Variants in MAN1A1 observed in about 807,000 individuals in gnomAD.
The protein encoded by MAN1A1 is mannosidase alpha class 1A member 1.
MAN1A1 carries 29 observed loss-of-function variants against 70.8 expected under a neutral mutation model. The ratio of observed to expected loss-of-function variants is 0.41; its 90% confidence interval spans 0.31 to 0.56. The LOEUF is 0.56. MAN1A1 is among the 20% of genes least tolerant of loss of function. The pLI, the probability that MAN1A1 is intolerant of heterozygous loss-of-function variation, is 0.29. For synonymous variants in MAN1A1, 349 were observed against 330.1 expected, an observed-to-expected ratio of 1.06 and a Z score of -0.62; for missense variants, 747 against 841.3, an observed-to-expected ratio of 0.89 and a Z score of 1.39.
intron 2 of MAN1A1, among the ~76,000 whole-genome samples, chr6:119,318,827 T>C (rs1184086815): frequency 6.6e-6 from 1 of 152,226 alleles, no homozygotes; most frequent in African/African-American, 2.4e-5. Context: ...TCACCTCTAC[T>C]TGGGCATCCT....
intron 2 of MAN1A1, among the ~76,000 whole-genome samples, chr6:119,335,894 C>T (rs1308115018): frequency 1.3e-5 from 2 of 152,170 alleles, no homozygotes; most frequent in Admixed American, 6.5e-5. Flanking sequence ...CAGAAGACTA[C>T]GGATGCCAAG....
At chr6:119,230,042 C>A (rs551124236) in intron 6 of MAN1A1, among the ~76,000 whole-genome samples, 137 of 152,260 alleles carry the variant, frequency 9.0e-4, no homozygotes, top group Non-Finnish European at 1.7e-3. Context: ...GATCTGATGA[C>A]AGATGATCTC....
At chr6:119,216,387 C>A (rs1041972907) in intron 6 of MAN1A1, among the ~76,000 whole-genome samples, 1 of 151,990 alleles carries the variant, frequency 6.6e-6, no homozygotes, top group Non-Finnish European at 1.5e-5. Context: ...GGAACTGGAG[C>A]GATGTTCGGG....
In MAN1A1 at chr6:119,334,745, G is replaced by A. The variant is rs146267744; in HGVS notation, c.603+13718C>T. 5.9e-3 allele frequency among the ~76,000 whole-genome samples: 902 copies of A among 152,280 alleles called. 7 individuals carry two copies. The highest frequency in any genetic ancestry group is 0.021 in the African/African-American group (865 of 41,562). On this transcript the variant is annotated intron_variant, in intron 2 of 12. Coordinates refer to ENST00000368468, the MANE Select transcript of MAN1A1 (RefSeq NM_005907.4). ...ATCAACGGATATTATCACAAAGGGT[G>A]GATACATCCTAAAATGAAAGCACCA...
intron 9 of MAN1A1, among the ~76,000 whole-genome samples, chr6:119,193,403 C>T (rs1350888312): frequency 1.4e-5 from 2 of 138,330 alleles, no homozygotes; most frequent in Non-Finnish European, 3.3e-5. Flanking sequence ...ATGGAGGTAG[C>T]CATTGGGACT....
At chr6:119,267,785 T>C (rs780871037) in intron 5 of MAN1A1, among the ~76,000 whole-genome samples, 6 of 152,218 alleles carry the variant, frequency 3.9e-5, no homozygotes, top group Non-Finnish European at 5.9e-5. Flanking sequence ...TAGACAGTCA[T>C]GATCATTTCA....
intron 4 of MAN1A1, among the ~76,000 whole-genome samples, chr6:119,294,375 T>A (rs1277214938): frequency 6.6e-6 from 1 of 152,092 alleles, no homozygotes; most frequent in Non-Finnish European, 1.5e-5. Flanking sequence ...GAGGGGGTAT[T>A]TGCAGCAGGG....
intron 6 of MAN1A1, among the ~76,000 whole-genome samples, chr6:119,224,918 G>C (rs1257839829): frequency 6.6e-6 from 1 of 152,024 alleles, no homozygotes; most frequent in Non-Finnish European, 1.5e-5. Flanking sequence ...CACAAGGTCA[G>C]GAGTTCAAGA....
intron 5 of MAN1A1, among the ~76,000 whole-genome samples, chr6:119,277,960 TAA>T (rs1562222560): frequency 1.2e-3 from 108 of 87,178 alleles, no homozygotes; most frequent in Non-Finnish European, 1.7e-3. Flanking sequence ...AAAAAAAAAG[TAA>T]AAATAAATAA....
chr6:119,259,407 C>T (rs1029648597), intron 5 of MAN1A1, among the ~76,000 whole-genome samples: 5 of 152,138 alleles, frequency 3.3e-5, no homozygotes, highest in African/African-American at 1.2e-4. Flanking sequence ...TAATAGTTTG[C>T]AAATTTACAA....
At chr6:119,234,892 T>C (rs1774798410) in intron 6 of MAN1A1, among the ~76,000 whole-genome samples, 6 of 152,174 alleles carry the variant, frequency 3.9e-5, no homozygotes, top group Admixed American at 3.9e-4. Flanking sequence ...TGTGCTCACG[T>C]TGTGTCTCTG....
rs34192355 is a variant in MAN1A1, at chr6:119,184,011, AT to A, written c.1720-3585del. ...GTTTTTGGTAAATTAAAAAAAAAAA[AT>A]TTTTTTTTAAAGGAAAAGCACCCAA... On this transcript the variant is annotated intron_variant, in intron 11 of 12. Transcript: ENST00000368468. Among the ~76,000 whole-genome samples the A allele has an allele frequency of 1.8e-4, 25 of 138,240 alleles. No homozygotes were observed. The East Asian group carries it at 2.6e-3, about 14-fold the overall frequency. 90.7% of individuals were successfully genotyped at this position (138,240 alleles called of 152,430 possible).
At chr6:119,307,016 AT>A in intron 2 of MAN1A1, 24 bp from the exon 3 acceptor site, 1 of 1,468,758 alleles carries the variant, frequency 6.8e-7, no homozygotes, top group Non-Finnish European at 9.5e-7. Context: ...TAAAAACAGG[AT>A]TATAATTTGA....
intron 6 of MAN1A1, among the ~76,000 whole-genome samples, chr6:119,225,926 G>C (rs1015080600): frequency 6.6e-6 from 1 of 152,132 alleles, no homozygotes; most frequent in Non-Finnish European, 1.5e-5. Flanking sequence ...TTAGGTTGCA[G>C]GGAATAGCTA....
intron 5 of MAN1A1, among the ~76,000 whole-genome samples, chr6:119,286,204 G>A (rs1374086540): frequency 6.6e-6 from 1 of 152,050 alleles, no homozygotes; most frequent in East Asian, 1.9e-4. Context: ...GGCAGACATT[G>A]AGTTTGAAAG....
intron 5 of MAN1A1, among the ~76,000 whole-genome samples, chr6:119,251,118 A>T (rs961507910): frequency 1.2e-4 from 18 of 152,072 alleles, no homozygotes; most frequent in African/African-American, 3.9e-4. Flanking sequence ...TGCACGATTT[A>T]AAAAAAAGAA....
intron 6 of MAN1A1, among the ~76,000 whole-genome samples, chr6:119,233,613 A>C (rs1774750283): frequency 6.6e-6 from 1 of 152,256 alleles, no homozygotes; most frequent in South Asian, 2.1e-4. Context: ...GAGTGCAATA[A>C]GCACAGGGTA....
intron 6 of MAN1A1, among the ~76,000 whole-genome samples, chr6:119,221,469 TTTC>T (rs1774357530): frequency 7.6e-6 from 1 of 131,984 alleles, no homozygotes; most frequent in Non-Finnish European, 1.7e-5. Context: ...CCCATTTTCT[TTTC>T]TTTTTTTTTT....
At chr6:119,342,225 T>C (rs982096806) in intron 2 of MAN1A1, among the ~76,000 whole-genome samples, 1 of 152,216 alleles carries the variant, frequency 6.6e-6, no homozygotes, top group African/African-American at 2.4e-5. Flanking sequence ...GAAGATCTTT[T>C]TGATGAACTG....
Sources: allele counts gnomAD v4.1 joint callset (sites outside exome capture counted in the v4.1 genomes callset), GRCh38; gene constraint gnomAD v4.1.1; transcripts MANE v1.5; gene names NCBI Gene and HGNC (gene_info 2026-07-23, HGNC 2026-07-21).